CFAP47: variants seen among roughly 807,000 people sequenced by gnomAD.
CFAP47 encodes the protein cilia and flagella associated protein 47.
In CFAP47, 29 loss-of-function variants were observed where a neutral mutation model predicts 148.1. That is an observed-to-expected ratio of 0.20 (90% CI 0.15 to 0.27). The LOEUF (loss-of-function observed/expected upper bound fraction) is 0.27. Ranked by LOEUF, CFAP47 falls within the 10% of genes least tolerant of loss-of-function variation. CFAP47 has a pLI of 1.00. For synonymous variants in CFAP47, 664 were observed against 577.3 expected (o/e 1.15, Z -2.15); for missense variants, 1,872 against 1,697.5 (o/e 1.10, Z -1.81).
At chrX:35,983,063 A>T (rs1379003255) in intron 15 of CFAP47, among the ~76,000 whole-genome samples, 2 of 111,923 alleles carry the variant, frequency 1.8e-5, no homozygotes, top group African/African-American at 3.2e-5. Flanking sequence ...AACAGTATTG[A>T]TTCTTTCAAT....
At chrX:36,352,000 C>G (rs1302884313) in intron 59 of CFAP47, among the ~76,000 whole-genome samples, 1 of 111,284 alleles carries the variant, frequency 9.0e-6, no homozygotes, top group Non-Finnish European at 1.9e-5. Context: ...TCGAGTTATT[C>G]TCAAACCCAG....
intron 33 of CFAP47, among the ~76,000 whole-genome samples, chrX:36,116,558 T>G (rs1473326850): frequency 1.8e-5 from 2 of 112,512 alleles, no homozygotes; most frequent in Non-Finnish European, 3.8e-5. Flanking sequence ...CAGAATTTTT[T>G]GTTTAGTGGA....
chrX:36,249,591 T>G (rs1940666073), intron 48 of CFAP47, among the ~76,000 whole-genome samples: 1 of 111,017 alleles, frequency 9.0e-6, no homozygotes, highest in Non-Finnish European at 1.9e-5. Context: ...GTTGAAGAAC[T>G]AATATTAATG....
chrX:36,305,116 G>A, intron 54 of CFAP47, among the ~76,000 whole-genome samples: 1 of 111,984 alleles, frequency 8.9e-6, no homozygotes, highest in Non-Finnish European at 1.9e-5. Context: ...GTTACTGGTT[G>A]CCAACTTATG....
chrX:36,306,902 A>G, intron 55 of CFAP47, 26 bp downstream of exon 55: 1 of 774,320 alleles, frequency 1.3e-6, no homozygotes. Flanking sequence ...CTTGGACCAA[A>G]CCAAGTTAAT....
In CFAP47 at chrX:36,035,898, C is replaced by T. The variant is rs181530271; in HGVS notation, c.3811+44C>T. On this transcript the variant is annotated intron_variant, in intron 24 of 63. Transcript: ENST00000378653. ...TATTTGTAGTTATACTTTCAATTTA[C>T]CCTTCATATATGAAATTGTTTTATT... The T allele has an allele frequency of 2.5e-3, 726 of 288,633 alleles. 7 individuals are homozygous for T. The highest frequency in any genetic ancestry group is 0.018 in the African/African-American group (661 of 36,056). 23.8% of individuals were successfully genotyped at this position (288,633 alleles called of 1,213,427 possible).
At chrX:35,971,506 G>A in intron 11 of CFAP47, 80 bp from the exon 12 acceptor site, 1 of 641,241 alleles carries the variant, frequency 1.6e-6, no homozygotes, top group Non-Finnish European at 2.3e-6. Flanking sequence ...TATGCACTAT[G>A]GGAAAGGCTT....
chrX:35,974,413 C>T (rs1483218935), intron 13 of CFAP47, among the ~76,000 whole-genome samples: 1 of 111,469 alleles, frequency 9.0e-6, no homozygotes, highest in Non-Finnish European at 1.9e-5. Context: ...TTCATTCTAA[C>T]CACAGTTAAG....
At chrX:35,956,858 G>A (rs1015016238) in intron 8 of CFAP47, among the ~76,000 whole-genome samples, 3 of 111,336 alleles carry the variant, frequency 2.7e-5, no homozygotes, top group African/African-American at 9.8e-5. Flanking sequence ...GGTAATTAGT[G>A]TTTTTGGAAT....
intron 46 of CFAP47, among the ~76,000 whole-genome samples, chrX:36,229,716 C>T (rs1297524536): frequency 1.9e-5 from 2 of 107,402 alleles, no homozygotes; most frequent in East Asian, 3.0e-4. Context: ...CCCATTAATT[C>T]GTCATTTAGC....
intron 62 of CFAP47, among the ~76,000 whole-genome samples, chrX:36,370,140 G>A (rs782604686): frequency 9.0e-6 from 1 of 111,153 alleles, no homozygotes; most frequent in Non-Finnish European, 1.9e-5. Context: ...TAGGGTACAT[G>A]TGCACAACGT....
intron 62 of CFAP47, among the ~76,000 whole-genome samples, chrX:36,370,481 T>C (rs1445173596): frequency 1.8e-5 from 2 of 110,908 alleles, no homozygotes; most frequent in African/African-American, 6.6e-5. Flanking sequence ...CCACATTTTC[T>C]TTATCCAGTC....
At chrX:36,232,015 T>C (rs1472027048) in intron 46 of CFAP47, among the ~76,000 whole-genome samples, 26 of 111,394 alleles carry the variant, frequency 2.3e-4, no homozygotes, top group African/African-American at 7.8e-4. Context: ...TTCGGTTTGC[T>C]AGTATTTTAT....
At chrX:35,952,311 G>A (rs1243341278) in intron 6 of CFAP47, among the ~76,000 whole-genome samples, 1 of 111,482 alleles carries the variant, frequency 9.0e-6, no homozygotes, top group Non-Finnish European at 1.9e-5. Flanking sequence ...GCATGTCGTA[G>A]GTCCCTCCAA....
At chrX:36,218,074 A>G (rs1940176373) in intron 45 of CFAP47, among the ~76,000 whole-genome samples, 1 of 109,236 alleles carries the variant, frequency 9.2e-6, no homozygotes, top group South Asian at 3.9e-4. Context: ...CAGCACATTC[A>G]TACTAATTTG....
chrX:36,341,641 C>T (rs1941654296), intron 57 of CFAP47, among the ~76,000 whole-genome samples: 1 of 110,441 alleles, frequency 9.1e-6, no homozygotes, highest in Non-Finnish European at 1.9e-5. Flanking sequence ...CACCTTTAAT[C>T]AAAAGAACAA....
chrX:35,966,770 G>A lies in CFAP47; in HGVS notation c.1600+16G>A, dbSNP rs10482306. ...TTTGATCCTGGTATGCTATTGTGTA[G>A]TGCCCACCTGGCTTTGTTGTTACTG... On this transcript the variant is annotated intron_variant, in intron 9 of 63. Transcript: ENST00000378653. 117,570 of 1,032,284 alleles carry A rather than the reference G, an allele frequency of 0.11. 12,878 individuals carry two copies. Among genetic ancestry groups the A allele is most frequent in the African/African-American group, 0.68 (34,478 of 50,560 alleles). 85.1% of individuals were successfully genotyped at this position (1,032,284 alleles called of 1,213,427 possible).
At chrX:36,360,642 G>A (rs782783406) in intron 60 of CFAP47, among the ~76,000 whole-genome samples, 13 of 111,755 alleles carry the variant, frequency 1.2e-4, no homozygotes, top group African/African-American at 4.2e-4. Flanking sequence ...TTTGTGAGTT[G>A]GGCTCCTTAC....
intron 26 of CFAP47, among the ~76,000 whole-genome samples, chrX:36,055,709 A>G (rs1937549578): frequency 1.8e-5 from 2 of 112,330 alleles, no homozygotes; most frequent in African/African-American, 6.5e-5. Context: ...GCTGCATCAA[A>G]TGGTATTTCT....
Sources: gnomAD v4.1 joint callset for allele counts (sites outside exome capture counted in the v4.1 genomes callset) on GRCh38, gnomAD v4.1.1 for gene constraint, MANE v1.5 for transcripts, NCBI Gene and HGNC (gene_info 2026-07-23, HGNC 2026-07-21) for gene names.